Variants in TNNI3K observed in about 807,000 individuals in gnomAD.
TNNI3K encodes TNNI3 interacting kinase.
A neutral mutation model predicts 114.5 loss-of-function variants in TNNI3K; 140 were observed. That is an observed-to-expected ratio of 1.22 (90% CI 1.07 to 1.41). The LOEUF is 1.41. Among genes scored for constraint, TNNI3K ranks in the 40% most tolerant of loss-of-function variants. The pLI is 0.00. For missense variants in TNNI3K, 1,125 were observed against 1,007.6 expected, an observed-to-expected ratio of 1.12 and a Z score of -1.58; for synonymous variants, 347 against 347.5, an observed-to-expected ratio of 1.00 and a Z score of 0.02.
chr1:74,328,295 G>GA (rs1045145529), intron 5 of TNNI3K, among the ~76,000 whole-genome samples: 15 of 151,860 alleles, frequency 9.9e-5, no homozygotes, highest in East Asian at 3.9e-4. Flanking sequence ...GAAAGAGTGT[G>GA]AAGTTGATTT....
chr1:74,302,695 T>C (rs1038284135), intron 5 of TNNI3K, among the ~76,000 whole-genome samples: 2 of 152,216 alleles, frequency 1.3e-5, no homozygotes, highest in Admixed American at 1.3e-4. Flanking sequence ...CCTAACTCTT[T>C]TCAATTCTAT....
chr1:74,378,623 T>TATATATATAA (rs1663038443), intron 17 of TNNI3K: 1 of 80,944 alleles, frequency 1.2e-5, no homozygotes, highest in African/African-American at 5.2e-5. Flanking sequence ...TATATATATA[T>TATATATATAA]ATATATATAT....
At chr1:74,426,694 G>A (rs1398334575) in intron 17 of TNNI3K, among the ~76,000 whole-genome samples, 3 of 152,054 alleles carry the variant, frequency 2.0e-5, no homozygotes, top group African/African-American at 7.2e-5. Context: ...GAGATGGACA[G>A]TATTAACAGA....
intron 23 of TNNI3K, among the ~76,000 whole-genome samples, chr1:74,537,350 T>G (rs980978657): frequency 1.3e-5 from 2 of 152,174 alleles, no homozygotes; most frequent in Non-Finnish European, 2.9e-5. Flanking sequence ...TATTGTTGAT[T>G]GAGAAAACAT....
At chr1:74,272,028 TATAAA>T (rs1656383760) in intron 5 of TNNI3K, among the ~76,000 whole-genome samples, 1 of 151,942 alleles carries the variant, frequency 6.6e-6, no homozygotes, top group African/African-American at 2.4e-5. Flanking sequence ...TTTCTTCACT[TATAAA>T]ATAGGAATAT....
chr1:74,284,371 T>A (rs1271161646), intron 5 of TNNI3K, among the ~76,000 whole-genome samples: 1 of 152,154 alleles, frequency 6.6e-6, no homozygotes, highest in Non-Finnish European at 1.5e-5. Flanking sequence ...TCAGCAACTG[T>A]CCTCTCTCAC....
chr1:74,406,543 C>T (rs1353198221), intron 17 of TNNI3K, among the ~76,000 whole-genome samples: 1 of 152,152 alleles, frequency 6.6e-6, no homozygotes, highest in Non-Finnish European at 1.5e-5. Context: ...TACTGTGTCT[C>T]TTCTGCCTTC....
At chr1:74,525,276 G>A (rs1052357238) in intron 23 of TNNI3K, among the ~76,000 whole-genome samples, 11 of 152,158 alleles carry the variant, frequency 7.2e-5, no homozygotes, top group African/African-American at 1.9e-4. Context: ...TCTTCTAAGC[G>A]CTTTGCGTGT....
At chr1:74,268,843 T>C (rs2100888057) in intron 4 of TNNI3K, among the ~76,000 whole-genome samples, 1 of 151,970 alleles carries the variant, frequency 6.6e-6, no homozygotes, top group East Asian at 1.9e-4. Context: ...TGCTTCTTCC[T>C]GGTTCTTCCC....
At chr1:74,529,995 T>G (rs537481615) in intron 23 of TNNI3K, among the ~76,000 whole-genome samples, 90 of 152,240 alleles carry the variant, frequency 5.9e-4, no homozygotes, top group African/African-American at 1.8e-3. Context: ...GGCAGGGTCT[T>G]AATCTGTCAC....
chr1:74,349,223 G>A (rs1472225660), intron 9 of TNNI3K, among the ~76,000 whole-genome samples: 1 of 151,768 alleles, frequency 6.6e-6, no homozygotes, highest in Non-Finnish European at 1.5e-5. Context: ...AAACTTTTCT[G>A]CATCTATTGA....
At chr1:74,516,548 G>A (rs1458735986) in intron 23 of TNNI3K, among the ~76,000 whole-genome samples, 1 of 151,914 alleles carries the variant, frequency 6.6e-6, no homozygotes, top group Non-Finnish European at 1.5e-5. Flanking sequence ...TATGAGGCAG[G>A]GAGCAATAGA....
intron 23 of TNNI3K, among the ~76,000 whole-genome samples, chr1:74,519,306 A>C (rs1646397698): frequency 1.1e-5 from 1 of 94,250 alleles, no homozygotes; most frequent in Admixed American, 1.2e-4. Context: ...GGTTGGTTCT[A>C]AGTCTTTGCT....
intron 23 of TNNI3K, among the ~76,000 whole-genome samples, chr1:74,522,012 G>C (rs532166512): frequency 6.6e-6 from 1 of 152,198 alleles, no homozygotes; most frequent in Non-Finnish European, 1.5e-5. Flanking sequence ...AGATGAGGGA[G>C]ATATATCAAC....
At chr1:74,469,795 T>A (rs1667834759) in intron 21 of TNNI3K, 2 of 398,584 alleles carry the variant, frequency 5.0e-6, no homozygotes, top group South Asian at 1.4e-4. Flanking sequence ...CCACTTCTAA[T>A]GCATGCAAAG....
At chr1:74,294,607 C>A (rs1300214218) in intron 5 of TNNI3K, among the ~76,000 whole-genome samples, 6 of 151,974 alleles carry the variant, frequency 3.9e-5, no homozygotes, top group Non-Finnish European at 7.4e-5. Context: ...GTTTTCACTT[C>A]TTCCTATGTT....
intron 20 of TNNI3K, among the ~76,000 whole-genome samples, chr1:74,444,689 C>T (rs1351287120): frequency 6.6e-6 from 1 of 151,678 alleles, no homozygotes; most frequent in Admixed American, 6.6e-5. Context: ...AATTTAAATT[C>T]ATATGGAACC....
intron 23 of TNNI3K, among the ~76,000 whole-genome samples, chr1:74,533,227 C>T (rs1172871616): frequency 1.3e-5 from 2 of 152,136 alleles, no homozygotes; most frequent in Non-Finnish European, 2.9e-5. Flanking sequence ...AAAAAACAAA[C>T]ATCCCCATCA....
chr1:74,378,640 A>ATATATATATTTTT (rs1663044306), intron 17 of TNNI3K: 1 of 108,242 alleles, frequency 9.2e-6, no homozygotes, highest in African/African-American at 3.7e-5. Context: ...ATATATATAT[A>ATATATATATTTTT]TTTCATTTCA....
Sources: allele counts gnomAD v4.1 joint callset (sites outside exome capture counted in the v4.1 genomes callset), GRCh38; gene constraint gnomAD v4.1.1; transcripts MANE v1.5; gene names NCBI Gene and HGNC (gene_info 2026-07-23, HGNC 2026-07-21).